Variants in NKPD1 observed in about 807,000 individuals in gnomAD.
The protein encoded by NKPD1 is NTPase KAP family P-loop domain-containing protein 1.
A neutral mutation model predicts 42.2 loss-of-function variants in NKPD1; 37 were observed. The ratio of observed to expected loss-of-function variants is 0.88; its 90% CI spans 0.67 to 1.15. NKPD1 has a LOEUF of 1.15. Among genes scored for constraint, NKPD1 ranks in the 50% most tolerant of loss-of-function variants. The probability of loss-of-function intolerance (pLI) is 0.00; values close to 1 mark genes in which losing one functional copy is unlikely to be tolerated. For missense variants in NKPD1, 1,113 were observed against 1,174.6 expected (o/e 0.95, Z 0.77); for synonymous variants, 552 against 536.5 (o/e 1.03, Z -0.40).
chr19:45,152,971 A>G lies in NKPD1; in HGVS notation c.1466T>C (p.Phe489Ser). 6.3e-7 allele frequency: 1 copy of G among 1,586,452 alleles called. No homozygotes were observed. The highest frequency in any genetic ancestry group is 8.6e-7 in the Non-Finnish European group (1 of 1,165,412). Residue 489 changes from phenylalanine to serine, a missense_variant, in exon 5 of 5, where the codon TTC (phenylalanine) becomes TCC (serine). Transcript: ENST00000686631. ...GATGCTGGGGTCCACGACCAGGATGAAGATGAAGGGCGCGTGGCTGTCGGA... is the reference window on the plus strand; with the variant it reads ...GATGCTGGGGTCCACGACCAGGATGGAGATGAAGGGCGCGTGGCTGTCGGA... Reference protein sequence around the residue: ...LLSDSHAPFIFILVVDPSILA... With the variant: ...LLSDSHAPFISILVVDPSILA...
In NKPD1 at chr19:45,151,808, G is replaced by A; in HGVS notation, c.*130C>T. ...AAGCTATGTCCACGGCTCTGGCTCA[G>A]GTTCACCTGGGGGTGTGGGCCTCAC... is the stretch of plus-strand genomic sequence containing the variant. On this transcript the variant is annotated 3_prime_UTR_variant, in exon 5 of 5. Coordinates refer to ENST00000686631, the MANE Select transcript of NKPD1 (RefSeq NM_198478.4). The A allele has an allele frequency of 9.8e-7, 1 of 1,022,780 alleles. No homozygotes were observed. The highest frequency in any genetic ancestry group is 1.4e-6 in the Non-Finnish European group (1 of 736,364). The allele number at this position is 1,022,780 out of a possible 1,614,324, so 63.4% of individuals were successfully genotyped here. A position where few individuals can be genotyped will look rare whatever the true frequency, so the allele number is the denominator to read the frequency against.
Position 45,159,736 on chromosome 19 carries a change from G to A in NKPD1, c.91+324C>T, listed in dbSNP as rs148959277. The stretch of plus-strand genomic sequence containing the variant: ...TCATCCAGACATGTTCAGTGGGGGG[G>A]CTCCCTCTCCTACCCCTCACTCCCA... On this transcript the variant is annotated intron_variant, in intron 2 of 4. Transcript: ENST00000686631. 3.1e-3 allele frequency among the ~76,000 whole-genome samples: 468 copies of A among 152,282 alleles called. 2 individuals are homozygous for A. Among genetic ancestry groups the A allele is most frequent in the African/African-American group, 0.011 (437 of 41,548 alleles).
intron 3 of NKPD1, among the ~76,000 whole-genome samples, chr19:45,156,583 G>A (rs1007532521): frequency 1.3e-5 from 2 of 152,234 alleles, no homozygotes; most frequent in Non-Finnish European, 2.9e-5. Flanking sequence ...ATGCCAAAGG[G>A]TCTGGCCAGC....
rs1968783517 is a variant in NKPD1, at chr19:45,151,879, T to G, written c.*59A>C. On this transcript the variant is annotated 3_prime_UTR_variant, in exon 5 of 5. Coordinates refer to ENST00000686631, the MANE Select transcript of NKPD1 (RefSeq NM_198478.4). ...GTTGCGGCCCCAGTCCAGCCCCCTA[T>G]TCTCCCATCTGGGCAGATGGAGGAA... 6.9e-7 allele frequency: 1 copy of G among 1,457,346 alleles called. No homozygotes were observed. The highest frequency in any genetic ancestry group is 1.5e-5 in the African/African-American group (1 of 68,364). 90.3% of individuals were successfully genotyped at this position (1,457,346 alleles called of 1,614,324 possible). A position where few individuals can be genotyped will look rare whatever the true frequency, so the allele number is the denominator to read the frequency against.
At chr19:45,153,893 G>T in intron 4 of NKPD1, 118 bp from the exon 5 acceptor site, 4 of 1,067,584 alleles carry the variant, frequency 3.7e-6, no homozygotes, top group Middle Eastern at 3.2e-4. Context: ...AGAGGCGAGG[G>T]GCTGGAAGCG....
chr19:45,153,616 A>G lies in NKPD1; in HGVS notation c.821T>C (p.Val274Ala), dbSNP rs1305440212. ...ITEVHLRRRNVQFLFIRFSAW... is the reference protein window; with the variant it reads ...ITEVHLRRRNAQFLFIRFSAW... ...GCTAAAGCGGATGAAAAGGAACTGC[A>G]CGTTCCTGCGCCGCAGGTGCACCTC... The change falls in exon 5 of 5, where the codon GTG becomes GCG. Residue 274 changes from valine (V) to alanine (A), a missense_variant. Transcript: ENST00000686631. 6.3e-7 allele frequency: 1 copy of G among 1,578,240 alleles called. No homozygotes were observed. The highest frequency in any genetic ancestry group is 8.6e-7 in the Non-Finnish European group (1 of 1,160,216).
chr19:45,152,834 G>A lies in NKPD1; in HGVS notation c.1603C>T (p.Arg535Cys), dbSNP rs1379113942. The A allele has an allele frequency of 4.4e-6, 7 of 1,595,046 alleles. No individual in the cohort carries two copies. The highest frequency in any genetic ancestry group is 1.3e-5 in the African/African-American group (1 of 74,552). ...LPFSVPIMGR[R>C]TKLQFLHDAV... ...TCGTGCAGGAACTGCAGCTTGGTGC[G>A]GCGGCCCATAATGGGCACAGAGAAG... Residue 535 changes from arginine to cysteine, a missense_variant, in exon 5 of 5, where the codon CGC becomes TGC. Transcript: ENST00000686631.
chr19:45,157,620 T>C (rs372206057), intron 3 of NKPD1, among the ~76,000 whole-genome samples: 1 of 152,064 alleles, frequency 6.6e-6, no homozygotes, highest in African/African-American at 2.4e-5. Flanking sequence ...ATAACTATGC[T>C]GCCCAGGCTG....
In NKPD1 at chr19:45,151,046, G is replaced by C. The variant is rs1444929827; in HGVS notation, c.*892C>G. 1 of 152,526 alleles carries C rather than the reference G, an allele frequency of 6.6e-6. No individual in the cohort carries two copies. The highest frequency in any genetic ancestry group is 1.5e-5 in the Non-Finnish European group (1 of 68,266). 9.4% of individuals were successfully genotyped at this position (152,526 alleles called of 1,614,324 possible). A position where few individuals can be genotyped will look rare whatever the true frequency, so the allele number is the denominator to read the frequency against. ...GAGGAATCAGGAACTGCCCAGAGGA[G>C]TGACACCCACCCCCAGCCCAGGGCT... is the stretch of plus-strand genomic sequence containing the variant. On this transcript the variant is annotated 3_prime_UTR_variant, in exon 5 of 5. Transcript: ENST00000686631.
At chr19:45,153,799 C>T (rs1484131328) in intron 4 of NKPD1, 24 bp from the exon 5 acceptor site, 3 of 1,421,898 alleles carry the variant, frequency 2.1e-6, no homozygotes, top group Non-Finnish European at 1.8e-6. Context: ...GCCCGGGAGC[C>T]GCGTGAGCCG....
At position 45,152,352 on chromosome 19, in the gene NKPD1, G is replaced by T; in HGVS notation, c.2085C>A (p.Arg695=). The T allele has an allele frequency of 6.2e-7, 1 of 1,603,800 alleles. No homozygotes were observed. Among genetic ancestry groups the T allele is most frequent in the Admixed American group, 1.7e-5 (1 of 59,252 alleles). ...EGRARLWDVF[R]DNSRELHTMT... The stretch of plus-strand genomic sequence containing the variant: ...TGGTGTGCAGCTCGCGGCTGTTGTC[G>T]CGGAAAACGTCCCAGAGGCGCGCGC... The change falls in exon 5 of 5, where the codon CGC becomes CGA. Residue 695 remains arginine (R), a synonymous_variant. Transcript: ENST00000686631.
In NKPD1 at chr19:45,152,840, C is replaced by G; in HGVS notation, c.1597G>C (p.Gly533Arg). Residue 533 changes from glycine (G) to arginine (R), a missense_variant, in exon 5 of 5, where the codon GGC (glycine) becomes CGC (arginine). Gly to Arg is a moderately radical substitution (Grantham distance 125). Transcript: ENST00000686631. ...AGGAACTGCAGCTTGGTGCGGCGGC[C>G]CATAATGGGCACAGAGAAGGGCAGC... ...VTLPFSVPIM[G>R]RRTKLQFLHD... The G allele has an allele frequency of 1.3e-6, 2 of 1,593,978 alleles. No homozygotes were observed. The highest frequency in any genetic ancestry group is 1.7e-6 in the Non-Finnish European group (2 of 1,167,636).
upstream of NKPD1, among the ~76,000 whole-genome samples, chr19:45,161,759 C>T (rs564619526): frequency 5.3e-5 from 8 of 152,320 alleles, no homozygotes; most frequent in Non-Finnish European, 1.2e-4. Flanking sequence ...CAGGAGATGC[C>T]CTGAAGGCCC....
chr19:45,152,478 C>A lies in NKPD1; in HGVS notation c.1959G>T (p.Ala653=). Residue 653 remains alanine, a synonymous_variant, in exon 5 of 5, where the codon GCG becomes GCT. Transcript: ENST00000686631. ...GGTTGGCGAGCACCACCCACGCCAC[C>A]GCCTGGCGCGGCGTGGGGCCCCCAA... ...GDFGGPTPRQ[A]VAWVVLANQW... The A allele has an allele frequency of 6.4e-7, 1 of 1,551,780 alleles. No homozygotes were observed. Among genetic ancestry groups the A allele is most frequent in the South Asian group, 1.2e-5 (1 of 85,736 alleles).
At chr19:45,153,797 G>A in intron 4 of NKPD1, 22 bp from the exon 5 acceptor site, 2 of 1,423,986 alleles carry the variant, frequency 1.4e-6, no homozygotes, top group South Asian at 1.5e-5. Flanking sequence ...GAGCCCGGGA[G>A]CCGCGTGAGC....
chr19:45,160,308 G>T (rs537065265), intron 1 of NKPD1, among the ~76,000 whole-genome samples, 87 bp from the exon 2 acceptor site: 2 of 152,290 alleles, frequency 1.3e-5, no homozygotes, highest in South Asian at 4.1e-4. Context: ...CCCAGATGCT[G>T]GGTTCCTAGG....
intron 2 of NKPD1, among the ~76,000 whole-genome samples, chr19:45,159,559 C>A (rs144622326): frequency 1.3e-5 from 2 of 152,040 alleles, no homozygotes; most frequent in Non-Finnish European, 2.9e-5. Context: ...GTCCCCAGCT[C>A]GGGCCAGGGT....
chr19:45,152,561 C>A lies in NKPD1; in HGVS notation c.1876G>T (p.Val626Phe). The change falls in exon 5 of 5, where the codon GTC becomes TTC. Residue 626 changes from valine to phenylalanine, a missense_variant. Physicochemically the swap from Val to Phe is conservative, Grantham distance 50. Around this residue, in one of 3 missense-constraint regions of NKPD1, gnomAD observed 867 missense variants for 870.1 expected, o/e 1.00. Transcript: ENST00000686631. ...PDNVVSMRRI[V>F]NTVPITVRLL... is the part of the protein sequence containing the mutation. ...CGCACGGTGATGGGCACGGTGTTGACGATGCGCCGCATGGACACCACGTTG... is the reference window on the plus strand; with the variant it reads ...CGCACGGTGATGGGCACGGTGTTGAAGATGCGCCGCATGGACACCACGTTG... 2 of 1,586,170 alleles carry A rather than the reference C, an allele frequency of 1.3e-6. No individual in the cohort carries two copies. Among genetic ancestry groups the A allele is most frequent in the Non-Finnish European group, 1.7e-6 (2 of 1,175,204 alleles).
chr19:45,154,232 C>G (rs1900902530), intron 4 of NKPD1, among the ~76,000 whole-genome samples: 7 of 152,172 alleles, frequency 4.6e-5, no homozygotes. Flanking sequence ...CACCCTCGGT[C>G]TTATCTTGTT....
Sources: gnomAD v4.1 joint callset for allele counts (sites outside exome capture counted in the v4.1 genomes callset) on GRCh38, gnomAD v4.1.1 for gene constraint, gnomAD v4.1.1 regional missense constraint, MANE v1.5 for transcripts, NCBI Gene and HGNC (gene_info 2026-07-23, HGNC 2026-07-21) for gene names.